Variants in RNF220 observed in about 807,000 individuals in gnomAD.
The protein encoded by RNF220 is E3 ubiquitin-protein ligase RNF220.
RNF220 carries 7 observed loss-of-function variants against 67.1 expected under a neutral mutation model. The observed-to-expected ratio is 0.10, with a 90% CI of 0.06 to 0.20. The LOEUF (loss-of-function observed/expected upper bound fraction) is 0.20. Ranked by LOEUF, RNF220 falls within the 10% of genes least tolerant of loss-of-function variation. The pLI is 1.00. For missense variants in RNF220, 565 were observed against 740.3 expected (o/e 0.76, Z 2.75); for synonymous variants, 270 against 283.2 (o/e 0.95, Z 0.47).
intron 2 of RNF220, among the ~76,000 whole-genome samples, chr1:44,485,082 G>A (rs1174371468): frequency 1.3e-5 from 2 of 152,226 alleles, no homozygotes; most frequent in Non-Finnish European, 2.9e-5. Flanking sequence ...GTTACAGTGA[G>A]CTGAGATCGT....
chr1:44,606,606 C>T lies in RNF220; in HGVS notation c.626-7559C>T, dbSNP rs1667289228. ...TTGGCTTCAATGACATCACACTTTC[C>T]TTGTTTTCATTCTACCTCTTGGCTG... On this transcript the variant is annotated intron_variant, in intron 2 of 14. Coordinates refer to ENST00000361799, the MANE Select transcript of RNF220 (RefSeq NM_018150.4). This position sits in a 1 kb window ranked among gnomAD's most constrained non-coding sequence, Gnocchi z 4.2. 6.6e-6 allele frequency among the ~76,000 whole-genome samples: 1 copy of T among 152,170 alleles called. No homozygotes were observed. Among genetic ancestry groups the T allele is most frequent in the South Asian group, 2.1e-4 (1 of 4,832 alleles).
intron 2 of RNF220, among the ~76,000 whole-genome samples, chr1:44,609,605 A>G (rs972964467): frequency 1.5e-4 from 23 of 152,186 alleles, no homozygotes; most frequent in South Asian, 4.1e-4. Context: ...CCTGTTCCCA[A>G]TGGTCAACCA....
chr1:44,420,721 G>A (rs372735417), intron 2 of RNF220, among the ~76,000 whole-genome samples: 14 of 152,164 alleles, frequency 9.2e-5, no homozygotes, highest in African/African-American at 3.4e-4. Flanking sequence ...TACTGGGCAG[G>A]TTACCTAATC....
chr1:44,643,650 A>T (rs1263707647), intron 8 of RNF220: 2 of 152,244 alleles, frequency 1.3e-5, no homozygotes, highest in Middle Eastern at 3.2e-3. Context: ...AATGTCTGAA[A>T]TCATCAGGCA....
At chr1:44,446,532 G>A (rs997985296) in intron 2 of RNF220, among the ~76,000 whole-genome samples, 2 of 151,752 alleles carry the variant, frequency 1.3e-5, no homozygotes, top group Admixed American at 1.3e-4. Context: ...TGCTCAAAAA[G>A]AGGGACCGGG....
chr1:44,487,070 C>A (rs1025050869), intron 2 of RNF220, among the ~76,000 whole-genome samples: 1 of 152,166 alleles, frequency 6.6e-6, no homozygotes, highest in Non-Finnish European at 1.5e-5. Flanking sequence ...TGCGGTGGCT[C>A]ACACCTGTAA....
intron 1 of RNF220, among the ~76,000 whole-genome samples, chr1:44,405,901 C>G (rs1647281499): frequency 6.6e-6 from 1 of 152,184 alleles, no homozygotes. Flanking sequence ...CTTCTTTTCT[C>G]CGTCTCTTAA....
intron 3 of RNF220, among the ~76,000 whole-genome samples, chr1:44,618,597 C>G (rs1282863120): frequency 6.6e-6 from 1 of 152,210 alleles, no homozygotes. Flanking sequence ...AGATGGAGGA[C>G]AGATTGTGGA....
At chr1:44,620,110 C>T (rs115305374) in intron 3 of RNF220, among the ~76,000 whole-genome samples, 2,874 of 152,290 alleles carry the variant, frequency 0.019, 95 homozygotes, top group African/African-American at 0.066. Context: ...CTGGATTCTG[C>T]CCTCTATCCT....
chr1:44,589,127 G>A (rs1457672769), intron 2 of RNF220, among the ~76,000 whole-genome samples: 1 of 152,194 alleles, frequency 6.6e-6, no homozygotes, highest in Non-Finnish European at 1.5e-5. Flanking sequence ...CAGATGAAAA[G>A]CCATATCTGT....
At position 44,412,047 on chromosome 1, in the gene RNF220, T is replaced by G. The variant is rs1448840003; in HGVS notation, c.-51T>G. 3.2e-6 allele frequency: 5 copies of G among 1,565,340 alleles called. No homozygotes were observed. The East Asian group carries it at 6.7e-5, about 21-fold the overall frequency. ...GACCCAAAGTGCTGGTTGGCCTCCC[T>G]CCCAGGGAAGACTGCTTCTTGCGTA... On this transcript the variant is annotated 5_prime_UTR_variant, in exon 2 of 15. Transcript: ENST00000361799. The surrounding 1 kb of genome is among the most constrained non-coding windows in gnomAD (Gnocchi z 5.3).
intron 2 of RNF220, among the ~76,000 whole-genome samples, chr1:44,567,537 G>A (rs530039067): frequency 9.2e-5 from 14 of 151,774 alleles, no homozygotes; most frequent in South Asian, 8.4e-4. Flanking sequence ...TTTCTCAAGC[G>A]ATCTTGAGAA....
chr1:44,617,011 C>A (rs1378991149), intron 3 of RNF220, among the ~76,000 whole-genome samples: 1 of 152,176 alleles, frequency 6.6e-6, no homozygotes, highest in Non-Finnish European at 1.5e-5. Context: ...CATTTCCCCA[C>A]CCCAAGCTCC....
rs918937000 is a variant in RNF220, at chr1:44,650,646, TC to T, written c.1630-57del. 1 of 1,568,240 alleles carries T rather than the reference TC, an allele frequency of 6.4e-7. No homozygotes were observed. The highest frequency in any genetic ancestry group is 8.8e-7 in the Non-Finnish European group (1 of 1,139,196). ...GAGACATGGCTGCAGGCCCAGGTGCTCACATGCGCACACATGGCTCATTGTG... is the reference window on the plus strand; with the variant it reads ...GAGACATGGCTGCAGGCCCAGGTGCTACATGCGCACACATGGCTCATTGTG... On this transcript the variant is annotated intron_variant, in intron 14 of 14. Transcript: ENST00000361799. The surrounding 1 kb of genome is among the most constrained non-coding windows in gnomAD (Gnocchi z 4.3).
At chr1:44,550,102 C>T (rs1240896401) in intron 2 of RNF220, among the ~76,000 whole-genome samples, 1 of 152,174 alleles carries the variant, frequency 6.6e-6, no homozygotes, top group Non-Finnish European at 1.5e-5. Flanking sequence ...GGCTCAATTG[C>T]CCAAAGGGAT....
chr1:44,448,199 C>T (rs1484706298), intron 2 of RNF220, among the ~76,000 whole-genome samples: 2 of 151,998 alleles, frequency 1.3e-5, no homozygotes, highest in African/African-American at 4.8e-5. Context: ...CTTGGGAGGC[C>T]GAGGCACGAG....
chr1:44,593,837 C>T (rs1456434346), intron 2 of RNF220, among the ~76,000 whole-genome samples: 1 of 151,514 alleles, frequency 6.6e-6, no homozygotes, highest in Admixed American at 6.6e-5. Context: ...AATCCCAGCA[C>T]TTTGGGAGGC....
chr1:44,627,378 A>G (rs927514291), intron 5 of RNF220, among the ~76,000 whole-genome samples: 6 of 148,060 alleles, frequency 4.1e-5, no homozygotes, highest in African/African-American at 1.5e-4. Context: ...AAAGCGTGAT[A>G]CCTTAAGCAA....
chr1:44,607,403 ACT>A (rs985049872), intron 2 of RNF220, among the ~76,000 whole-genome samples: 20 of 148,716 alleles, frequency 1.3e-4, no homozygotes, highest in African/African-American at 4.5e-4. Context: ...TCTGCCCCTC[ACT>A]CTCTGTGCTC....
Sources: gnomAD v4.1 joint callset for allele counts (sites outside exome capture counted in the v4.1 genomes callset) on GRCh38, gnomAD v4.1.1 for gene constraint, Gnocchi (gnomAD v3.1) non-coding constraint, MANE v1.5 for transcripts, NCBI Gene and HGNC (gene_info 2026-07-23, HGNC 2026-07-21) for gene names.